The following MEI4 variants were observed in gnomAD, a reference collection of about 807,000 sequenced individuals.
The protein encoded by MEI4 is meiosis-specific protein MEI4.
MEI4 carries 27 observed loss-of-function variants against 31.4 expected under a neutral mutation model. That is an observed-to-expected ratio of 0.86 (90% CI 0.63 to 1.19). The LOEUF is 1.19. Ranked by LOEUF, MEI4 falls within the 50% of genes most tolerant of loss-of-function variation. The pLI, the probability that MEI4 is intolerant of heterozygous loss-of-function variation, is 0.00. For missense variants in MEI4, 329 were observed against 398.9 expected (o/e 0.82, Z 1.49); for synonymous variants, 122 against 145.4 (o/e 0.84, Z 1.16).
chr6:77,663,972 G>T (rs1768569512), intron 1 of MEI4, among the ~76,000 whole-genome samples: 1 of 152,178 alleles, frequency 6.6e-6, no homozygotes, highest in South Asian at 2.1e-4. Flanking sequence ...AGGAATCCCG[G>T]GCTGCGGGCA....
chr6:77,821,886 A>G (rs999625314), intron 3 of MEI4, among the ~76,000 whole-genome samples: 1 of 145,816 alleles, frequency 6.9e-6, no homozygotes, highest in African/African-American at 2.5e-5. Flanking sequence ...GGCACATTAG[A>G]TCTTTACCAG....
At chr6:77,722,456 C>A (rs949430690) in intron 2 of MEI4, among the ~76,000 whole-genome samples, 1 of 151,776 alleles carries the variant, frequency 6.6e-6, no homozygotes, top group African/African-American at 2.4e-5. Flanking sequence ...AGTGGCCGCC[C>A]CTAAAAAGGA....
intron 4 of MEI4, among the ~76,000 whole-genome samples, chr6:77,909,522 T>G (rs766296914): frequency 6.6e-6 from 1 of 152,136 alleles, no homozygotes; most frequent in Non-Finnish European, 1.5e-5. Context: ...AAGTTGAATC[T>G]CTGAATAGAC....
At chr6:77,690,988 C>A in intron 2 of MEI4, 85 bp downstream of exon 2, 3 of 733,076 alleles carry the variant, frequency 4.1e-6, no homozygotes, top group Non-Finnish European at 5.6e-6. Context: ...ATTCCCAAAA[C>A]ATGAAAATTT....
intron 2 of MEI4, among the ~76,000 whole-genome samples, chr6:77,742,448 G>A (rs1346580876): frequency 3.9e-5 from 6 of 152,106 alleles, no homozygotes; most frequent in African/African-American, 9.6e-5. Context: ...CATGTCCTTT[G>A]CCCACTTTTT....
At chr6:77,701,576 A>G (rs1456236315) in intron 2 of MEI4, among the ~76,000 whole-genome samples, 1 of 151,728 alleles carries the variant, frequency 6.6e-6, no homozygotes, top group Non-Finnish European at 1.5e-5. Flanking sequence ...CATAGATAGT[A>G]TTACACATCT....
At chr6:77,916,215 T>A (rs983159904) in intron 4 of MEI4, among the ~76,000 whole-genome samples, 5 of 152,076 alleles carry the variant, frequency 3.3e-5, no homozygotes, top group African/African-American at 7.2e-5. Context: ...CTGAGCTTTT[T>A]TTAAAATTGA....
intron 2 of MEI4, among the ~76,000 whole-genome samples, chr6:77,695,744 C>G (rs1004609058): frequency 2.6e-4 from 40 of 152,178 alleles, no homozygotes; most frequent in African/African-American, 8.7e-4. Flanking sequence ...CTTGGCAATG[C>G]GGGCTCTTTT....
chr6:77,836,723 A>G (rs1435683061), intron 4 of MEI4, among the ~76,000 whole-genome samples: 1 of 152,150 alleles, frequency 6.6e-6, no homozygotes, highest in Non-Finnish European at 1.5e-5. Flanking sequence ...CACCTATTTC[A>G]GTTGAGAGAG....
At chr6:77,913,550 C>A (rs191521126) in intron 4 of MEI4, among the ~76,000 whole-genome samples, 1 of 151,972 alleles carries the variant, frequency 6.6e-6, no homozygotes, top group Non-Finnish European at 1.5e-5. Flanking sequence ...TTTATCTCCT[C>A]GAGATTATCC....
chr6:77,783,498 T>C (rs906321028), intron 3 of MEI4, among the ~76,000 whole-genome samples: 3 of 152,050 alleles, frequency 2.0e-5, no homozygotes, highest in Non-Finnish European at 2.9e-5. Context: ...GAAGTATGTA[T>C]TTTTTTTCTT....
At chr6:77,865,466 C>T (rs1378330387) in intron 4 of MEI4, among the ~76,000 whole-genome samples, 1 of 152,154 alleles carries the variant, frequency 6.6e-6, no homozygotes, top group Non-Finnish European at 1.5e-5. Context: ...CGCAAATAAA[C>T]TAGAAAATCT....
chr6:77,687,921 C>T (rs769273537), intron 1 of MEI4, among the ~76,000 whole-genome samples: 14 of 151,888 alleles, frequency 9.2e-5, no homozygotes, highest in Non-Finnish European at 1.6e-4. Flanking sequence ...GTCTTCAGTC[C>T]CTCTCATCTC....
At chr6:77,689,370 CAAT>C (rs1769116205) in intron 1 of MEI4, among the ~76,000 whole-genome samples, 1 of 151,970 alleles carries the variant, frequency 6.6e-6, no homozygotes, top group Non-Finnish European at 1.5e-5. Flanking sequence ...TCAATATTAT[CAAT>C]AATGCTGTGA....
chr6:77,729,784 A>C (rs545651531), intron 2 of MEI4, among the ~76,000 whole-genome samples: 2 of 152,324 alleles, frequency 1.3e-5, no homozygotes, highest in African/African-American at 4.8e-5. Flanking sequence ...GTCTATGCTT[A>C]GGAATAATTA....
intron 4 of MEI4, among the ~76,000 whole-genome samples, chr6:77,873,860 G>A (rs1250052915): frequency 6.6e-6 from 1 of 152,116 alleles, no homozygotes; most frequent in Non-Finnish European, 1.5e-5. Context: ...ATTAAATAGG[G>A]AATCCCTTCC....
At chr6:77,769,469 T>C (rs2127685952) in intron 3 of MEI4, among the ~76,000 whole-genome samples, 1 of 152,248 alleles carries the variant, frequency 6.6e-6, no homozygotes, top group Non-Finnish European at 1.5e-5. Flanking sequence ...GGTGCTGTGT[T>C]GGGCTTGGAG....
chr6:77,680,461 G>T (rs760991726), intron 1 of MEI4, among the ~76,000 whole-genome samples: 15 of 152,032 alleles, frequency 9.9e-5, no homozygotes, highest in Non-Finnish European at 1.9e-4. Flanking sequence ...GATTTCAGGG[G>T]ATACTTATTC....
chr6:77,721,917 A>G lies in MEI4; in HGVS notation c.232+31014A>G, dbSNP rs886362297. Among the ~76,000 whole-genome samples the G allele has an allele frequency of 3.1e-5, 4 of 128,644 alleles. 1 individual carries two copies. Among genetic ancestry groups the G allele is most frequent in the Non-Finnish European group, 5.0e-5 (3 of 59,654 alleles). 84.4% of individuals were successfully genotyped at this position (128,644 alleles called of 152,430 possible). On this transcript the variant is annotated intron_variant, in intron 2 of 4. Transcript: ENST00000684080. ...CTGCAGCACATAAAATATCATCAAT[A>G]TAATGAATAATATAACAGTCTGAAA...
Sources: gnomAD v4.1 joint callset for allele counts (sites outside exome capture counted in the v4.1 genomes callset) on GRCh38, gnomAD v4.1.1 for gene constraint, MANE v1.5 for transcripts, NCBI Gene and HGNC (gene_info 2026-07-23, HGNC 2026-07-21) for gene names.